The following EDNRB variants were observed in gnomAD, a reference collection of about 807,000 sequenced individuals.
The protein encoded by EDNRB is Hirschsprung disease 2.
A neutral mutation model predicts 46.4 loss-of-function variants in EDNRB; 18 were observed. That is an observed-to-expected ratio of 0.39 (90% CI 0.27 to 0.57). The LOEUF (loss-of-function observed/expected upper bound fraction) is 0.57, where lower values mean the gene tolerates loss of function less well. Ranked by LOEUF, EDNRB falls within the 20% of genes least tolerant of loss-of-function variation. EDNRB has a pLI of 0.61. For synonymous variants in EDNRB, 213 were observed against 204.9 expected, an observed-to-expected ratio of 1.04 and a Z score of -0.34; for missense variants, 434 against 537.5, an observed-to-expected ratio of 0.81 and a Z score of 1.90.
intron 1 of EDNRB, among the ~76,000 whole-genome samples, chr13:77,904,133 C>T (rs1879149951): frequency 6.6e-6 from 1 of 151,946 alleles, no homozygotes. Context: ...TACACAGTTG[C>T]TCAAACACAC....
At chr13:77,919,180 CAG>C, upstream of EDNRB, 1 of 593,908 alleles carries the variant, frequency 1.7e-6, no homozygotes, top group East Asian at 3.2e-5. Flanking sequence ...CGGAAACCCG[CAG>C]AGACTTCTCA....
intron 1 of EDNRB, among the ~76,000 whole-genome samples, chr13:77,917,257 C>T (rs1879854564): frequency 6.6e-6 from 1 of 152,148 alleles, no homozygotes; most frequent in African/African-American, 2.4e-5. Flanking sequence ...CATCTGTAAA[C>T]TAATTGTAAT....
chr13:77,974,914 T>C (rs1316421649), intron 1 of EDNRB, among the ~76,000 whole-genome samples: 1 of 152,114 alleles, frequency 6.6e-6, no homozygotes, highest in Non-Finnish European at 1.5e-5. Context: ...TAGTTCCTAG[T>C]AGGGTGGGCT....
chr13:77,900,723 A>C (rs116962929), intron 4 of EDNRB, 69 bp from the exon 5 acceptor site: 30,559 of 1,598,950 alleles, frequency 0.019, 343 homozygotes, highest in Non-Finnish European at 0.023. Flanking sequence ...ATCTTCTAAA[A>C]CGACATTTAA....
chr13:77,971,397 G>A (rs1368682062), intron 1 of EDNRB, among the ~76,000 whole-genome samples: 1 of 152,322 alleles, frequency 6.6e-6, no homozygotes, highest in African/African-American at 2.4e-5. Context: ...TGCTGCCAGG[G>A]CCCTTAGACA....
intron 1 of EDNRB, among the ~76,000 whole-genome samples, chr13:77,931,744 C>CAAAAAAAAAAAAAAAAAAAAAAAA (rs67176737): frequency 1.1e-3 from 95 of 83,288 alleles, no homozygotes; most frequent in East Asian, 1.7e-3. Flanking sequence ...ACTGTAGTAG[C>CAAAAAAAAAAAAAAAAAAAAAAAA]AAAAAAAAAA....
chr13:77,953,109 A>C (rs1881138045), intron 1 of EDNRB, among the ~76,000 whole-genome samples: 1 of 152,188 alleles, frequency 6.6e-6, no homozygotes, highest in Non-Finnish European at 1.5e-5. Flanking sequence ...AAATGCTTTG[A>C]AACAACCAAA....
At chr13:77,921,883 T>C (rs1880096080), upstream of EDNRB, among the ~76,000 whole-genome samples, 1 of 152,138 alleles carries the variant, frequency 6.6e-6, no homozygotes, top group South Asian at 2.1e-4. Context: ...GGAAACAGAT[T>C]CTAGGCCAAT....
chr13:77,920,197 G>A (rs1397135309), upstream of EDNRB, among the ~76,000 whole-genome samples: 1 of 152,136 alleles, frequency 6.6e-6, no homozygotes, highest in Non-Finnish European at 1.5e-5. Flanking sequence ...ATGCTTATCG[G>A]AGACATGAAA....
chr13:77,906,256 C>G (rs947342849), intron 1 of EDNRB, among the ~76,000 whole-genome samples: 17 of 151,846 alleles, frequency 1.1e-4, no homozygotes, highest in African/African-American at 3.9e-4. Flanking sequence ...GCTTTGAACC[C>G]ATGTAGCTTT....
In EDNRB at chr13:77,918,565, C is replaced by CG; in HGVS notation, c.8dup (p.Pro4AlafsTer31). 6.3e-7 allele frequency: 1 copy of CG among 1,595,982 alleles called. No individual in the cohort carries two copies. Among genetic ancestry groups the CG allele is most frequent in the Non-Finnish European group, 8.5e-7 (1 of 1,174,562 alleles). On this transcript the variant is annotated frameshift_variant, in exon 1 of 7. Coordinates refer to ENST00000646607, the MANE Select transcript of EDNRB (RefSeq NM_001122659.3). LOFTEE classifies it high-confidence loss of function. The surrounding 1 kb of genome is among the most constrained non-coding windows in gnomAD (Gnocchi z 4.5). The stretch of plus-strand genomic sequence containing the variant: ...GGGCGCGTCCGCACAGACTTGGAGG[C>CG]GGCTGCATGCTGCTACCTGCTCCAG...
In EDNRB at chr13:77,970,793, A is replaced by C. The variant is rs556994664; in HGVS notation, c.-52+4554T>G. Among the ~76,000 whole-genome samples, 27 of 152,180 alleles carry C rather than the reference A, an allele frequency of 1.8e-4. 1 individual carries two copies. The South Asian group carries it at 5.4e-3, about 30-fold the overall frequency. On this transcript the variant is annotated intron_variant, in intron 1 of 7. Transcript: ENST00000646948. ...CAAGTTTTTTTTAGGGTTCCAGTAC[A>C]CTTATAATAACTATAAAATAATAAG...
chr13:77,918,364 C>T lies in EDNRB; in HGVS notation c.210G>A (p.Glu70=), dbSNP rs1879923792. The part of the protein sequence containing the change: ...ASLARSLAPA[E]VPKGDRTAGS... ...CTGCCGTCCTGTCTCCTTTAGGCAC[C>T]TCCGCAGGTGCCAACGACCGCGCCA... The change falls in exon 1 of 7, where the codon GAG becomes GAA. Residue 70 remains glutamate, a synonymous_variant. Coordinates refer to ENST00000646607, the MANE Select transcript of EDNRB (RefSeq NM_001122659.3). This position sits in a 1 kb window ranked among gnomAD's most constrained non-coding sequence, Gnocchi z 4.5. 1 of 1,610,760 alleles carries T rather than the reference C, an allele frequency of 6.2e-7. No individual in the cohort carries two copies.
intron 1 of EDNRB, among the ~76,000 whole-genome samples, chr13:77,913,678 C>A (rs568850201): frequency 1.3e-5 from 2 of 152,224 alleles, no homozygotes; most frequent in South Asian, 2.1e-4. Flanking sequence ...AACCTACAAC[C>A]AAGTTTTGTT....
Position 77,896,658 on chromosome 13 carries a change from A to C in EDNRB, c.*1542T>G, listed in dbSNP as rs1164401410. ...TCGAAAGTCACTCTGAGAACATTGC[A>C]CTGTGTTTTGCTGGAACAAAATCAG... is the stretch of plus-strand genomic sequence containing the variant. On this transcript the variant is annotated 3_prime_UTR_variant, in exon 7 of 7. Coordinates refer to ENST00000646607, the MANE Select transcript of EDNRB (RefSeq NM_001122659.3). 1 of 1,487,672 alleles carries C rather than the reference A, an allele frequency of 6.7e-7. No homozygotes were observed. The highest frequency in any genetic ancestry group is 8.9e-7 in the Non-Finnish European group (1 of 1,123,060). 92.2% of individuals were successfully genotyped at this position (1,487,672 alleles called of 1,614,324 possible).
chr13:77,945,901 A>AAAAAAAAAAAAAAAAAAAAAAAAAC (rs1391892820), intron 1 of EDNRB, among the ~76,000 whole-genome samples: 2 of 150,708 alleles, frequency 1.3e-5, no homozygotes, highest in African/African-American at 2.4e-5. Context: ...AAACAAAAAA[A>AAAAAAAAAAAAAAAAAAAAAAAAAC]ACACACAATC....
chr13:77,948,254 G>A (rs1286293771), intron 1 of EDNRB, among the ~76,000 whole-genome samples: 1 of 152,022 alleles, frequency 6.6e-6, no homozygotes, highest in Non-Finnish European at 1.5e-5. Context: ...TTTTCAAAGA[G>A]GAATTTTAAA....
intron 1 of EDNRB, among the ~76,000 whole-genome samples, chr13:77,934,865 T>A (rs542154806): frequency 5.3e-5 from 8 of 152,044 alleles, no homozygotes; most frequent in Non-Finnish European, 1.2e-4. Flanking sequence ...CTGGTGGAAC[T>A]GCCATCAATA....
intron 1 of EDNRB, among the ~76,000 whole-genome samples, chr13:77,965,366 T>G (rs1471185673): frequency 6.6e-6 from 1 of 152,206 alleles, no homozygotes. Context: ...TTGAATCAAT[T>G]ATTACTTGAG....
Sources: allele counts gnomAD v4.1 joint callset (sites outside exome capture counted in the v4.1 genomes callset), GRCh38; gene constraint gnomAD v4.1.1; non-coding constraint Gnocchi (gnomAD v3.1); transcripts MANE v1.5; gene names NCBI Gene and HGNC (gene_info 2026-07-23, HGNC 2026-07-21).